The following ATP10B variants were observed in gnomAD, a reference collection of about 807,000 sequenced individuals.
ATP10B encodes the protein ATPase phospholipid transporting 10B (putative).
In ATP10B, 122 loss-of-function variants were observed where a neutral mutation model predicts 141.2. The observed-to-expected ratio is 0.86, with a 90% CI of 0.75 to 1.00. The LOEUF is 1.00. Ranked by LOEUF, ATP10B falls within the 50% of genes least tolerant of loss-of-function variation. The pLI is 0.00. For synonymous variants in ATP10B, 685 were observed against 692.0 expected (o/e 0.99, Z 0.16); for missense variants, 1,876 against 1,825.3 (o/e 1.03, Z -0.51).
At chr5:160,760,271 C>T (rs756187154) in intron 2 of ATP10B, among the ~76,000 whole-genome samples, 1 of 152,098 alleles carries the variant, frequency 6.6e-6, no homozygotes, top group African/African-American at 2.4e-5. Context: ...GAGGTGTGAC[C>T]GGATTTTAAA....
intron 7 of ATP10B, among the ~76,000 whole-genome samples, chr5:160,654,701 A>ATCG (rs1221607665): frequency 6.7e-6 from 1 of 149,404 alleles, no homozygotes; most frequent in Admixed American, 6.6e-5. Context: ...CATTGTCGTC[A>ATCG]TCGTCATCAT....
chr5:160,644,169 G>C lies in ATP10B; in HGVS notation c.837C>G (p.Thr279=). The C allele has an allele frequency of 6.2e-7, 1 of 1,613,958 alleles. No individual in the cohort carries two copies. The highest frequency in any genetic ancestry group is 8.5e-7 in the Non-Finnish European group (1 of 1,179,908). ...LLLRGCTIRN[T]EMAVGIVIYA... ...AGATGACAATGCCAACAGCCATCTC[G>C]GTGTTTCTGATGGTGCAGCCTCGAA... The change falls in exon 9 of 26, where the codon ACC becomes ACG. Residue 279 remains threonine (T), a synonymous_variant. Coordinates refer to ENST00000327245, the MANE Select transcript of ATP10B (RefSeq NM_025153.3).
intron 1 of ATP10B, among the ~76,000 whole-genome samples, chr5:160,818,369 C>T (rs1302986008): frequency 2.0e-5 from 3 of 152,182 alleles, no homozygotes; most frequent in East Asian, 3.8e-4. Context: ...CAAAAGAAGA[C>T]ATTGATGCAG....
At chr5:160,889,360 A>G in the ATP10B span, among the ~76,000 whole-genome samples, 2 of 152,202 alleles carry the variant, frequency 1.3e-5, no homozygotes, top group African/African-American at 2.4e-5. Flanking sequence ...TTCTTGCAAA[A>G]GAACCAGCTG....
intron 1 of ATP10B, among the ~76,000 whole-genome samples, chr5:160,810,686 TTA>T (rs779922467): frequency 2.6e-5 from 4 of 152,224 alleles, no homozygotes; most frequent in Admixed American, 6.5e-5. Context: ...AATTGTGGTT[TTA>T]TAATTCTGTA....
chr5:160,622,481 G>A lies in ATP10B; in HGVS notation c.1725C>T (p.Ser575=), dbSNP rs780216913. ...AGAAATCAGCAATGGAGGAGGTGGT[G>A]GAGAGGGAAGCCTTGGCAGGTCTGC... The part of the protein sequence containing the change: ...SDSRPAKASL[S]TTSSIADFFL... Residue 575 remains serine (S), a synonymous_variant, in exon 14 of 26, where the codon TCC becomes TCT. Coordinates refer to ENST00000327245, the MANE Select transcript of ATP10B (RefSeq NM_025153.3). 9 of 1,614,014 alleles carry A rather than the reference G, an allele frequency of 5.6e-6. No homozygotes were observed. The African/African-American group carries it at 9.3e-5, about 17-fold the overall frequency.
chr5:160,745,665 C>T (rs1188420044), intron 2 of ATP10B, among the ~76,000 whole-genome samples: 1 of 152,206 alleles, frequency 6.6e-6, no homozygotes. Flanking sequence ...AACTTAGTGA[C>T]CCTGGACTGC....
rs145294110 is a variant in ATP10B, at chr5:160,620,509, G to T, written c.2254C>A (p.Gln752Lys). Residue 752 changes from glutamine to lysine, a missense_variant, in exon 15 of 26, where the codon CAG becomes AAG. Physicochemically the swap from Gln to Lys is moderately conservative, Grantham distance 53. Transcript: ENST00000327245. The part of the protein sequence containing the change: ...TPEQVTVRLP[Q>K]GTCLTFSLLC... Reference sequence around the variant, plus strand: ...AGGCTGAAGGTGAGGCAGGTGCCCTGGGGCAGGCGCACAGTCACCTGCTCA... The same window carrying T: ...AGGCTGAAGGTGAGGCAGGTGCCCTTGGGCAGGCGCACAGTCACCTGCTCA... The T allele has an allele frequency of 1.1e-4, 184 of 1,614,178 alleles. 1 individual carries two copies. In the East Asian group the frequency reaches 4.0e-3, roughly 35 times the overall value.
intron 6 of ATP10B, among the ~76,000 whole-genome samples, chr5:160,683,040 CAAAAAAAA>C (rs35571529): frequency 3.0e-5 from 2 of 66,978 alleles, no homozygotes; most frequent in Non-Finnish European, 2.8e-5. Context: ...CTCTGTCCCC[CAAAAAAAA>C]AAAAAAAAAA....
chr5:160,702,681 GAATTTTT>G (rs753696492), intron 3 of ATP10B, among the ~76,000 whole-genome samples: 34 of 152,258 alleles, frequency 2.2e-4, no homozygotes, highest in Admixed American at 5.2e-4. Flanking sequence ...ATGAAAAACT[GAATTTTT>G]GAGATTGGTG....
At chr5:160,756,167 T>C (rs1768586524) in intron 2 of ATP10B, among the ~76,000 whole-genome samples, 1 of 151,822 alleles carries the variant, frequency 6.6e-6, no homozygotes, top group African/African-American at 2.4e-5. Context: ...ATTTTTGGCA[T>C]GGGGAAGGTC....
intron 1 of ATP10B, among the ~76,000 whole-genome samples, chr5:160,810,863 A>AT (rs1225986159): frequency 6.6e-6 from 1 of 151,958 alleles, no homozygotes; most frequent in African/African-American, 2.4e-5. Context: ...CTATGCCAAC[A>AT]TTTTTTTCAG....
At chr5:160,739,195 G>A (rs912407548) in intron 2 of ATP10B, among the ~76,000 whole-genome samples, 6 of 150,058 alleles carry the variant, frequency 4.0e-5, no homozygotes, top group African/African-American at 9.8e-5. Flanking sequence ...TCCACAACCC[G>A]ATAAGGATAT....
At chr5:160,779,047 T>C (rs908596235) in intron 2 of ATP10B, among the ~76,000 whole-genome samples, 1 of 152,116 alleles carries the variant, frequency 6.6e-6, no homozygotes, top group African/African-American at 2.4e-5. Flanking sequence ...GAGAATTACA[T>C]AGGAGGTGTG....
At chr5:160,823,104 C>A (rs1378915252) in intron 1 of ATP10B, among the ~76,000 whole-genome samples, 4 of 142,180 alleles carry the variant, frequency 2.8e-5, no homozygotes, top group African/African-American at 1.0e-4. Flanking sequence ...CCCCATTTAC[C>A]CTGATGTGAT....
chr5:160,714,539 A>G (rs1359407277), intron 3 of ATP10B, among the ~76,000 whole-genome samples: 1 of 89,924 alleles, frequency 1.1e-5, no homozygotes, highest in Non-Finnish European at 2.2e-5. Flanking sequence ...AAAGTTTTCA[A>G]CTTCTTTGCC....
intron 3 of ATP10B, among the ~76,000 whole-genome samples, chr5:160,702,421 A>G (rs1335126084): frequency 6.6e-6 from 1 of 152,136 alleles, no homozygotes; most frequent in Non-Finnish European, 1.5e-5. Flanking sequence ...ATTTTAAGCA[A>G]AACAACCACG....
chr5:160,919,555 C>G, the ATP10B span, among the ~76,000 whole-genome samples: 2 of 152,138 alleles, frequency 1.3e-5, no homozygotes, highest in Admixed American at 1.3e-4. Context: ...GTGAGAAGCT[C>G]TTAGAGGATT....
the ATP10B span, among the ~76,000 whole-genome samples, chr5:160,864,745 T>C: frequency 6.6e-6 from 1 of 152,012 alleles, no homozygotes; most frequent in Non-Finnish European, 1.5e-5. Flanking sequence ...AAAATCAGTT[T>C]ACACAAATCA....
Sources: allele counts gnomAD v4.1 joint callset (sites outside exome capture counted in the v4.1 genomes callset), GRCh38; gene constraint gnomAD v4.1.1; transcripts MANE v1.5; gene names NCBI Gene and HGNC (gene_info 2026-07-23, HGNC 2026-07-21).